The following PRKAR1B variants were observed in gnomAD, a reference collection of about 807,000 sequenced individuals.
PRKAR1B encodes protein kinase cAMP-dependent type I regulatory subunit beta, also known as cAMP-dependent protein kinase type I-beta regulatory subunit.
A neutral mutation model predicts 46.5 loss-of-function variants in PRKAR1B; 22 were observed. The observed-to-expected ratio is 0.47, with a 90% CI of 0.34 to 0.68. The LOEUF is 0.68. PRKAR1B is among the 30% of genes least tolerant of loss of function. The pLI is 0.01. For missense variants in PRKAR1B, 445 were observed against 535.6 expected (o/e 0.83, Z 1.67); for synonymous variants, 259 against 217.7 (o/e 1.19, Z -1.67).
chr7:587,333 G>A (rs1780658363), intron 7 of PRKAR1B, among the ~76,000 whole-genome samples: 1 of 152,224 alleles, frequency 6.6e-6, no homozygotes, highest in Non-Finnish European at 1.5e-5. Context: ...TGAGTGCCCT[G>A]GACAGGGGTG....
chr7:641,109 C>T (rs1194963355), intron 4 of PRKAR1B, among the ~76,000 whole-genome samples: 1 of 152,036 alleles, frequency 6.6e-6, no homozygotes, highest in Admixed American at 6.6e-5. Flanking sequence ...CCCGCCACCA[C>T]GCCCGGCTAA....
intron 1 of PRKAR1B, among the ~76,000 whole-genome samples, chr7:724,148 G>T (rs574664302): frequency 6.6e-6 from 1 of 152,090 alleles, no homozygotes; most frequent in Non-Finnish European, 1.5e-5. Flanking sequence ...CATTCAGCCC[G>T]TAACACTCCC....
intron 4 of PRKAR1B, among the ~76,000 whole-genome samples, chr7:638,903 C>G (rs1013931058): frequency 9.3e-6 from 1 of 107,590 alleles, no homozygotes; most frequent in East Asian, 3.0e-4. Context: ...ATGGTGAAAC[C>G]CCCGTCTCTA....
intron 9 of PRKAR1B, among the ~76,000 whole-genome samples, chr7:563,060 C>A (rs1022345389): frequency 2.0e-5 from 3 of 152,214 alleles, no homozygotes; most frequent in African/African-American, 7.2e-5. Context: ...AACCCTTCCA[C>A]ACACCAGCAC....
intron 2 of PRKAR1B, among the ~76,000 whole-genome samples, chr7:683,752 C>T (rs917136624): frequency 1.3e-5 from 2 of 152,218 alleles, no homozygotes; most frequent in Admixed American, 6.5e-5. Flanking sequence ...CCACCTGCCA[C>T]GTGCCAGGCA....
At chr7:556,465 G>T (rs1450411188) in intron 9 of PRKAR1B, among the ~76,000 whole-genome samples, 1 of 152,218 alleles carries the variant, frequency 6.6e-6, no homozygotes, top group Non-Finnish European at 1.5e-5. Context: ...CAGGAACGGA[G>T]TCACATAAAG....
chr7:581,141 A>C, intron 8 of PRKAR1B, among the ~76,000 whole-genome samples: 1 of 152,048 alleles, frequency 6.6e-6, no homozygotes, highest in African/African-American at 2.4e-5. Flanking sequence ...GTCTCTACTA[A>C]AAATACAAAA....
At chr7:625,586 C>T (rs1041151355) in intron 4 of PRKAR1B, among the ~76,000 whole-genome samples, 14 of 151,932 alleles carry the variant, frequency 9.2e-5, no homozygotes, top group African/African-American at 1.5e-4. Flanking sequence ...CAAGGGGCAC[C>T]GCTACAGGTC....
intron 9 of PRKAR1B, chr7:578,807 A>G (rs1254325776): frequency 8.1e-6 from 2 of 245,732 alleles, no homozygotes; most frequent in East Asian, 1.3e-4. Flanking sequence ...TCAGCCTCCC[A>G]AGTAGCTGGG....
intron 1 of PRKAR1B, among the ~76,000 whole-genome samples, chr7:717,684 T>G (rs746805792): frequency 1.3e-5 from 2 of 151,786 alleles, no homozygotes; most frequent in East Asian, 1.9e-4. Context: ...ACACACAATG[T>G]TCTCTAATAT....
intron 9 of PRKAR1B, among the ~76,000 whole-genome samples, chr7:552,040 A>C (rs1174678337): frequency 5.4e-5 from 3 of 55,900 alleles, no homozygotes; most frequent in Admixed American, 4.7e-4. Flanking sequence ...TACTGCCACC[A>C]CCACGTCACC....
Position 596,041 on chromosome 7 carries a change from T to C in PRKAR1B, c.708+105A>G, listed in dbSNP as rs1781250608. On this transcript the variant is annotated intron_variant, in intron 7 of 10. Coordinates refer to ENST00000537384, the MANE Select transcript of PRKAR1B (RefSeq NM_001164760.2). ...CCAGATCTGTCAGGGAGGTTGGAAG[T>C]GTCTTTTCTCCAGGTGCATCCCCAC... 11 of 1,410,260 alleles carry C rather than the reference T, an allele frequency of 7.8e-6. 1 individual carries two copies. The South Asian group carries it at 1.4e-4, about 17-fold the overall frequency. 87.4% of individuals were successfully genotyped at this position (1,410,260 alleles called of 1,614,324 possible). A position where few individuals can be genotyped will look rare whatever the true frequency, so the allele number is the denominator to read the frequency against.
At chr7:607,090 G>A (rs1293738273) in intron 5 of PRKAR1B, among the ~76,000 whole-genome samples, 9 of 151,540 alleles carry the variant, frequency 5.9e-5, no homozygotes, top group Admixed American at 4.6e-4. Context: ...TGCAACCTCC[G>A]CCTCCCAGGT....
At chr7:633,557 A>G (rs1179099811) in intron 4 of PRKAR1B, among the ~76,000 whole-genome samples, 1 of 152,180 alleles carries the variant, frequency 6.6e-6, no homozygotes, top group Non-Finnish European at 1.5e-5. Flanking sequence ...TCAGGCCAGG[A>G]GTTCAAGACC....
chr7:575,788 T>A (rs1779785058), intron 9 of PRKAR1B, among the ~76,000 whole-genome samples: 2 of 152,198 alleles, frequency 1.3e-5, no homozygotes, highest in South Asian at 2.1e-4. Flanking sequence ...TTGCCCAGGC[T>A]GGTCTTGAAT....
At chr7:570,421 T>C (rs1293174551) in intron 9 of PRKAR1B, among the ~76,000 whole-genome samples, 1 of 152,154 alleles carries the variant, frequency 6.6e-6, no homozygotes, top group East Asian at 1.9e-4. Flanking sequence ...GCTCCGCTCT[T>C]GCGTAGCCTC....
At position 692,269 on chromosome 7, in the gene PRKAR1B, G is replaced by A. The variant is rs188635723; in HGVS notation, c.178-11543C>T. On this transcript the variant is annotated intron_variant, in intron 2 of 10. Coordinates refer to ENST00000537384, the MANE Select transcript of PRKAR1B (RefSeq NM_001164760.2). ...ACAAAAATTAGCCACATGTGGTGGC[G>A]CACGCCTGTAATCCCAGCTACTTGG... Among the ~76,000 whole-genome samples the A allele has an allele frequency of 7.2e-4, 110 of 152,304 alleles. 2 individuals carry two copies. The Middle Eastern group carries it at 0.01, about 14-fold the overall frequency.
At position 638,834 on chromosome 7, in the gene PRKAR1B, T is replaced by G. The variant is rs575810530; in HGVS notation, c.441-31382A>C. On this transcript the variant is annotated intron_variant, in intron 4 of 10. Coordinates refer to ENST00000537384, the MANE Select transcript of PRKAR1B (RefSeq NM_001164760.2). ...GCTCACGCCTGTAGTCCCAGCACTTTGGGAGGCTGAAGCGGGCGGATCACT... is the reference window on the plus strand; with the variant it reads ...GCTCACGCCTGTAGTCCCAGCACTTGGGGAGGCTGAAGCGGGCGGATCACT... 7.2e-5 allele frequency among the ~76,000 whole-genome samples: 11 copies of G among 152,314 alleles called. No homozygotes were observed. The South Asian group carries it at 1.7e-3, about 23-fold the overall frequency.
chr7:600,386 T>G (rs567632403), intron 6 of PRKAR1B, among the ~76,000 whole-genome samples: 1 of 151,984 alleles, frequency 6.6e-6, no homozygotes, highest in African/African-American at 2.4e-5. Flanking sequence ...ACAGTGGTAG[T>G]CCCAGCTTCT....
Sources: gnomAD v4.1 joint callset for allele counts (sites outside exome capture counted in the v4.1 genomes callset) on GRCh38, gnomAD v4.1.1 for gene constraint, MANE v1.5 for transcripts, NCBI Gene and HGNC (gene_info 2026-07-23, HGNC 2026-07-21) for gene names.